ZNF320: variants seen among roughly 807,000 people sequenced by gnomAD.
ZNF320 encodes zinc finger protein 320.
In ZNF320, 2 loss-of-function variants were observed where a neutral mutation model predicts 6.8. That is an observed-to-expected ratio of 0.29 (90% CI 0.12 to 0.93). ZNF320 has a LOEUF of 0.93. Ranked by LOEUF, ZNF320 falls within the 40% of genes least tolerant of loss-of-function variation. The probability of loss-of-function intolerance (pLI) is 0.55; values close to 1 mark genes in which losing one functional copy is unlikely to be tolerated. For missense variants in ZNF320, 472 were observed against 611.0 expected (o/e 0.77, Z 2.40); for synonymous variants, 208 against 203.2 (o/e 1.02, Z -0.20).
At chr19:52,874,730 G>A (rs2063735674), downstream of ZNF320, among the ~76,000 whole-genome samples, 2 of 152,108 alleles carry the variant, frequency 1.3e-5, no homozygotes, top group African/African-American at 4.8e-5. Context: ...GGGTGAAGGT[G>A]GGGCTGTCAT....
intron 5 of ZNF320, among the ~76,000 whole-genome samples, chr19:52,883,190 C>T (rs1340111448): frequency 6.6e-6 from 1 of 151,848 alleles, no homozygotes; most frequent in Non-Finnish European, 1.5e-5. Flanking sequence ...TACAGGCGCA[C>T]ACCACTATGC....
chr19:52,876,161 A>G (rs2063761649), downstream of ZNF320: 1 of 152,212 alleles, frequency 6.6e-6, no homozygotes, highest in Non-Finnish European at 1.5e-5. Flanking sequence ...ACATAAAGAA[A>G]GAAGATGGAA....
chr19:52,882,959 T>A (rs1026010698), intron 5 of ZNF320, among the ~76,000 whole-genome samples: 1 of 152,048 alleles, frequency 6.6e-6, no homozygotes, highest in African/African-American at 2.4e-5. Context: ...AAGAAAATGT[T>A]AATAGCATAT....
chr19:52,883,039 A>T (rs530349907), intron 5 of ZNF320, among the ~76,000 whole-genome samples: 47 of 151,876 alleles, frequency 3.1e-4, no homozygotes, highest in African/African-American at 7.2e-4. Context: ...TAAAAAAAAA[A>T]TTTTGTATTT....
At chr19:52,891,053 G>T (rs571016828) in intron 3 of ZNF320, among the ~76,000 whole-genome samples, 176 bp downstream of exon 3, 1 of 152,294 alleles carries the variant, frequency 6.6e-6, no homozygotes, top group East Asian at 1.9e-4. Context: ...GGAAGCTGAG[G>T]TTGGAGGATC....
At chr19:52,898,531 A>G (rs955593387), upstream of ZNF320, among the ~76,000 whole-genome samples, 1 of 152,230 alleles carries the variant, frequency 6.6e-6, no homozygotes, top group African/African-American at 2.4e-5. Context: ...AGTGTGTAGC[A>G]GGGCTAGCGG....
chr19:52,884,240 C>T (rs1203229318), intron 5 of ZNF320, among the ~76,000 whole-genome samples: 1 of 152,172 alleles, frequency 6.6e-6, no homozygotes, highest in Non-Finnish European at 1.5e-5. Flanking sequence ...TAAGCTACTT[C>T]CTTTTTCGTT....
chr19:52,887,001 G>GGAAGGAAC (rs1297190004), intron 5 of ZNF320, among the ~76,000 whole-genome samples: 1 of 75,620 alleles, frequency 1.3e-5, no homozygotes, highest in Non-Finnish European at 2.9e-5. Flanking sequence ...AAGGAAGGAA[G>GGAAGGAAC]GAAGGAAAAG....
chr19:52,881,739 C>G lies in ZNF320; in HGVS notation c.387G>C (p.Arg129Ser). 6.2e-7 allele frequency: 1 copy of G among 1,613,962 alleles called. No homozygotes were observed. Among genetic ancestry groups the G allele is most frequent in the Non-Finnish European group, 8.5e-7 (1 of 1,179,880 alleles). ...CTTTAATAGGCTTGTTTCCAGCATGCCTTTGATCATATCGGTCTGTACTAC... is the reference window on the plus strand; with the variant it reads ...CTTTAATAGGCTTGTTTCCAGCATGGCTTTGATCATATCGGTCTGTACTAC... Reference protein sequence around the residue: ...LTSSTDRYDQRHAGNKPIKGQ... With the variant: ...LTSSTDRYDQSHAGNKPIKGQ... The change falls in exon 6 of 6, where the codon AGG (arginine) becomes AGC (serine). Residue 129 changes from arginine to serine, a missense_variant. Coordinates refer to ENST00000682928, the MANE Select transcript of ZNF320 (RefSeq NM_001351774.2).
chr19:52,891,031 C>G (rs1200378276), intron 3 of ZNF320, among the ~76,000 whole-genome samples, 198 bp downstream of exon 3: 1 of 152,010 alleles, frequency 6.6e-6, no homozygotes, highest in Non-Finnish European at 1.5e-5. Flanking sequence ...CATCTGTAAT[C>G]CCAGCTACTC....
At position 52,878,192 on chromosome 19, in the gene ZNF320, C is replaced by A. The variant is rs2063811985; in HGVS notation, c.*2404G>T. 1 of 191,280 alleles carries A rather than the reference C, an allele frequency of 5.2e-6. No individual in the cohort carries two copies. The highest frequency in any genetic ancestry group is 4.7e-5 in the Admixed American group (1 of 21,234). The allele number at this position is 191,280 out of a possible 1,614,324, so 11.8% of individuals were successfully genotyped here. A position where few individuals can be genotyped will look rare whatever the true frequency, so the allele number is the denominator to read the frequency against. ...TCCAGTGTCGTCTTTGACAGTTGTA[C>A]CTATAAAACTTATGTGGATGGTCTG... On this transcript the variant is annotated 3_prime_UTR_variant, in exon 6 of 6. Transcript: ENST00000682928.
chr19:52,860,623 A>G (rs2063482287), downstream of ZNF320, among the ~76,000 whole-genome samples: 1 of 145,400 alleles, frequency 6.9e-6, no homozygotes, highest in South Asian at 2.2e-4. Context: ...AAAAGAAAAA[A>G]AAGCTATTCT....
At chr19:52,888,316 G>A (rs1274721186) in intron 4 of ZNF320, 63 bp from the exon 5 acceptor site, 1 of 709,672 alleles carries the variant, frequency 1.4e-6, no homozygotes, top group Non-Finnish European at 2.0e-6. Flanking sequence ...TACAGAAAAT[G>A]AGAAGAGGAG....
In ZNF320 at chr19:52,890,330, T is replaced by G; in HGVS notation, c.-73-2A>C. On this transcript the variant is annotated splice_acceptor_variant, in intron 3 of 5. Coordinates refer to ENST00000682928, the MANE Select transcript of ZNF320 (RefSeq NM_001351774.2). LOFTEE classifies it low-confidence loss of function (5UTR_SPLICE). Reference sequence around the variant, plus strand: ...ACCAAGAGTCTTTAGAAGTCAATCCTAAATGTTAGAAATATGTTGTTTATC... The same window carrying G: ...ACCAAGAGTCTTTAGAAGTCAATCCGAAATGTTAGAAATATGTTGTTTATC... 1 of 1,556,804 alleles carries G rather than the reference T, an allele frequency of 6.4e-7. No individual in the cohort carries two copies.
intron 5 of ZNF320, chr19:52,865,575 ATT>A (rs2063538214): frequency 8.8e-6 from 1 of 113,570 alleles, no homozygotes; most frequent in African/African-American, 3.7e-5. Context: ...ATACATATAT[ATT>A]TATATGATTA....
Position 52,892,733 on chromosome 19 carries a change from A to C in ZNF320, c.-192+1046T>G, listed in dbSNP as rs1163535361. Reference sequence around the variant, plus strand: ...TGTGCATCCTCTGCTCTCCCTGTTAAATTGTCTCTTCCTTGTTATACCTCC... The same window carrying C: ...TGTGCATCCTCTGCTCTCCCTGTTACATTGTCTCTTCCTTGTTATACCTCC... On this transcript the variant is annotated intron_variant, in intron 2 of 5. Coordinates refer to ENST00000682928, the MANE Select transcript of ZNF320 (RefSeq NM_001351774.2). 9.9e-5 allele frequency among the ~76,000 whole-genome samples: 15 copies of C among 150,994 alleles called. No individual in the cohort carries two copies. The South Asian group carries it at 1.0e-3, about 11-fold the overall frequency.
chr19:52,866,592 C>T (rs11669868), intron 5 of ZNF320, among the ~76,000 whole-genome samples: 41,443 of 151,874 alleles, frequency 0.27, 6,000 homozygotes, highest in African/African-American at 0.34. Flanking sequence ...TTTATCATGT[C>T]GAGCTCTTTG....
chr19:52,887,620 T>C (rs1481776568), intron 5 of ZNF320, among the ~76,000 whole-genome samples: 1 of 152,202 alleles, frequency 6.6e-6, no homozygotes, highest in Admixed American at 6.5e-5. Flanking sequence ...ACAGTCTTGC[T>C]CTGTCGTCTG....
chr19:52,865,940 T>C (rs1481863536), intron 5 of ZNF320, among the ~76,000 whole-genome samples: 2 of 128,568 alleles, frequency 1.6e-5, no homozygotes, highest in African/African-American at 6.1e-5. Context: ...TATACACATA[T>C]ATTTATATAT....
Sources: gnomAD v4.1 joint callset for allele counts (sites outside exome capture counted in the v4.1 genomes callset) on GRCh38, gnomAD v4.1.1 for gene constraint, MANE v1.5 for transcripts, NCBI Gene and HGNC (gene_info 2026-07-23, HGNC 2026-07-21) for gene names.